Variants in MCF2L2 observed in about 807,000 individuals in gnomAD.
The protein encoded by MCF2L2 is probable guanine nucleotide exchange factor MCF2L2.
MCF2L2 carries 102 observed loss-of-function variants against 150.2 expected under a neutral mutation model. That is an observed-to-expected ratio of 0.68 (90% CI 0.58 to 0.80). The LOEUF (loss-of-function observed/expected upper bound fraction) is 0.80, where lower values mean the gene tolerates loss of function less well. MCF2L2 is among the 30% of genes least tolerant of loss of function. The pLI is 0.00. For synonymous variants in MCF2L2, 465 were observed against 491.3 expected (o/e 0.95, Z 0.71); for missense variants, 1,256 against 1,372.8 (o/e 0.91, Z 1.34).
chr3:183,291,365 G>A (rs916928937), intron 13 of MCF2L2, among the ~76,000 whole-genome samples: 1 of 152,114 alleles, frequency 6.6e-6, no homozygotes, highest in African/African-American at 2.4e-5. Context: ...TGTAAAGTAG[G>A]GAAAAATGAG....
In MCF2L2 at chr3:183,227,044, A is replaced by T. The variant is rs904029942; in HGVS notation, c.2115+1253T>A. 2 of 152,218 alleles carry T rather than the reference A, an allele frequency of 1.3e-5. No homozygotes were observed. The highest frequency in any genetic ancestry group is 6.5e-5 in the Admixed American group (1 of 15,284). 9.4% of individuals were successfully genotyped at this position (152,218 alleles called of 1,614,324 possible). A position where few individuals can be genotyped will look rare whatever the true frequency, so the allele number is the denominator to read the frequency against. On this transcript the variant is annotated intron_variant, in intron 18 of 29. Transcript: ENST00000328913. This position sits in a 1 kb window ranked among gnomAD's most constrained non-coding sequence, Gnocchi z 4.0. ...GAGGCTTTGTTTGCTTCCAGTTATC[A>T]TAAGTATTGCTCTCAGCCTCAGTCA...
At chr3:183,304,662 TG>T (rs2108502945) in intron 10 of MCF2L2, among the ~76,000 whole-genome samples, 1 of 151,188 alleles carries the variant, frequency 6.6e-6, no homozygotes, top group African/African-American at 2.4e-5. Context: ...TTAGCAGAGA[TG>T]GGGTTTCACC....
intron 2 of MCF2L2, among the ~76,000 whole-genome samples, chr3:183,382,267 C>T (rs1308083302): frequency 2.6e-5 from 4 of 152,128 alleles, no homozygotes; most frequent in African/African-American, 9.7e-5. Context: ...CCATGTTGGC[C>T]AGGCTGGTCT....
rs1560397712 is a variant in MCF2L2 at position 183,276,969 on chromosome 3, GA to G, written c.1777-13del. ...AAGATTTCTTCACTCTGAAGTGAAA[GA>G]AATTTTGGTAAGATTTGATATTGTA... On this transcript the variant is annotated splice_polypyrimidine_tract_variant and intron_variant, in intron 14 of 29. Transcript: ENST00000328913. 1 of 1,570,546 alleles carries G rather than the reference GA, an allele frequency of 6.4e-7. No homozygotes were observed. The highest frequency in any genetic ancestry group is 1.1e-5 in the South Asian group (1 of 87,612).
chr3:183,219,260 A>G (rs1281382004), intron 21 of MCF2L2, among the ~76,000 whole-genome samples: 2 of 152,142 alleles, frequency 1.3e-5, no homozygotes. Context: ...TATCATATCT[A>G]TTTACTTCCA....
chr3:183,344,775 T>C (rs1414420440), intron 3 of MCF2L2, among the ~76,000 whole-genome samples: 2 of 152,080 alleles, frequency 1.3e-5, no homozygotes, highest in African/African-American at 4.8e-5. Flanking sequence ...GGGGTTGCAA[T>C]CCTAGTCTCT....
chr3:183,358,170 A>C (rs1263498913), intron 3 of MCF2L2, among the ~76,000 whole-genome samples: 1 of 152,148 alleles, frequency 6.6e-6, no homozygotes, highest in Non-Finnish European at 1.5e-5. Context: ...GGGCACCTGT[A>C]ATCCCAGCTA....
intron 13 of MCF2L2, among the ~76,000 whole-genome samples, chr3:183,291,847 G>A (rs766515840): frequency 6.6e-6 from 1 of 152,148 alleles, no homozygotes; most frequent in Non-Finnish European, 1.5e-5. Flanking sequence ...ATGAAATCTT[G>A]TATTTGAAAA....
intron 3 of MCF2L2, among the ~76,000 whole-genome samples, chr3:183,369,118 A>G (rs73062725): frequency 0.032 from 4,942 of 152,234 alleles, 281 homozygotes; most frequent in African/African-American, 0.11. Flanking sequence ...AAGTCCCCCA[A>G]CTGACCGAAT....
chr3:183,389,572 C>A (rs1291230191), intron 2 of MCF2L2, 124 bp downstream of exon 2: 5 of 772,942 alleles, frequency 6.5e-6, no homozygotes, highest in Non-Finnish European at 8.8e-6. Flanking sequence ...CTGTTCTAGT[C>A]CCGGGTGAAG....
At chr3:183,306,772 T>TC (rs765306331) in intron 10 of MCF2L2, among the ~76,000 whole-genome samples, 1 of 152,152 alleles carries the variant, frequency 6.6e-6, no homozygotes, top group Non-Finnish European at 1.5e-5. Flanking sequence ...GCCATGACCC[T>TC]CCAACAAGAT....
chr3:183,229,084 G>A (rs781379414), intron 17 of MCF2L2, among the ~76,000 whole-genome samples: 42 of 152,144 alleles, frequency 2.8e-4, no homozygotes, highest in African/African-American at 9.9e-4. Flanking sequence ...CTGTGAATTA[G>A]GTGTGCAATC....
At position 183,369,606 on chromosome 3, in the gene MCF2L2, A is replaced by C. The variant is rs992655212; in HGVS notation, c.275+9691T>G. Among the ~76,000 whole-genome samples the C allele has an allele frequency of 2.0e-5, 3 of 152,112 alleles. No individual in the cohort carries two copies. In the East Asian group the frequency reaches 5.8e-4, roughly 29 times the overall value. ...TATATTTGGCCACCCTGCTCAACATAAATTCCTGTTCCCTCTAGACCCTCT... is the reference window on the plus strand; with the variant it reads ...TATATTTGGCCACCCTGCTCAACATCAATTCCTGTTCCCTCTAGACCCTCT... On this transcript the variant is annotated intron_variant, in intron 3 of 29. Coordinates refer to ENST00000328913, the MANE Select transcript of MCF2L2 (RefSeq NM_015078.4).
chr3:183,412,216 G>T (rs1404151801), intron 1 of MCF2L2, among the ~76,000 whole-genome samples: 1 of 152,182 alleles, frequency 6.6e-6, no homozygotes, highest in Non-Finnish European at 1.5e-5. Flanking sequence ...GGAGCATGTA[G>T]AGCCCCTAGG....
chr3:183,427,931 C>T lies in MCF2L2; in HGVS notation c.47G>A (p.Arg16Gln), dbSNP rs1438596829. Residue 16 changes from arginine (R) to glutamine (Q), a missense_variant, in exon 1 of 30, where the codon CGG becomes CAG. Coordinates refer to ENST00000328913, the MANE Select transcript of MCF2L2 (RefSeq NM_015078.4). ...ATGAGTGATCACTGTGGCCAGTCGC[C>T]GGGTGAGCTCCTGGGGAGGCATCTC... ...KEEMPPQELT[R>Q]RLATVITHVD... The T allele has an allele frequency of 1.9e-6, 3 of 1,613,998 alleles. No homozygotes were observed. The highest frequency in any genetic ancestry group is 2.5e-6 in the Non-Finnish European group (3 of 1,179,986).
chr3:183,263,267 T>C (rs1725788310), intron 15 of MCF2L2, among the ~76,000 whole-genome samples: 1 of 152,148 alleles, frequency 6.6e-6, no homozygotes, highest in South Asian at 2.1e-4. Flanking sequence ...GTAAGTCTAC[T>C]GAATAAAATG....
At chr3:183,313,941 G>T (rs77044955) in intron 7 of MCF2L2, among the ~76,000 whole-genome samples, 1 of 152,176 alleles carries the variant, frequency 6.6e-6, no homozygotes, top group East Asian at 1.9e-4. Context: ...GCCGTTGTGC[G>T]TGTGCCCTGA....
At chr3:183,272,455 A>T in intron 15 of MCF2L2, 1 of 999,924 alleles carries the variant, frequency 1.0e-6, no homozygotes, top group Non-Finnish European at 1.2e-6. Flanking sequence ...ATTTCTCAGT[A>T]TACACAACTG....
At chr3:183,366,974 A>C (rs1360628351) in intron 3 of MCF2L2, among the ~76,000 whole-genome samples, 1 of 152,234 alleles carries the variant, frequency 6.6e-6, no homozygotes, top group Non-Finnish European at 1.5e-5. Context: ...TGCCAGGTGA[A>C]AATGCACATA....
Sources: gnomAD v4.1 joint callset for allele counts (sites outside exome capture counted in the v4.1 genomes callset) on GRCh38, gnomAD v4.1.1 for gene constraint, Gnocchi (gnomAD v3.1) non-coding constraint, MANE v1.5 for transcripts, NCBI Gene and HGNC (gene_info 2026-07-23, HGNC 2026-07-21) for gene names.